The following TRAPPC9 variants were observed in gnomAD, a reference collection of about 807,000 sequenced individuals.
TRAPPC9 encodes IKK2 binding protein.
Under a neutral mutation model 124.0 loss-of-function variants are expected in TRAPPC9, and 83 were observed. The observed-to-expected ratio is 0.67, with a 90% CI of 0.56 to 0.80. The LOEUF (loss-of-function observed/expected upper bound fraction) is 0.80, where lower values mean the gene tolerates loss of function less well. Ranked by LOEUF, TRAPPC9 falls within the 30% of genes least tolerant of loss-of-function variation. The pLI is 0.00. For missense variants in TRAPPC9, 1,302 were observed against 1,508.3 expected, an observed-to-expected ratio of 0.86 and a Z score of 2.27; for synonymous variants, 638 against 617.5, an observed-to-expected ratio of 1.03 and a Z score of -0.49.
intron 19 of TRAPPC9, among the ~76,000 whole-genome samples, chr8:139,955,987 G>C (rs889517850): frequency 6.6e-6 from 1 of 152,058 alleles, no homozygotes; most frequent in Non-Finnish European, 1.5e-5. Context: ...CTGGGTCCTC[G>C]TTTCTCCCGC....
chr8:140,254,961 C>A (rs1464238896), intron 15 of TRAPPC9, among the ~76,000 whole-genome samples: 1 of 152,160 alleles, frequency 6.6e-6, no homozygotes, highest in Admixed American at 6.5e-5. Context: ...CCAAAATCCC[C>A]ATGAAAGAAA....
At chr8:140,239,117 G>A (rs1458791387) in intron 16 of TRAPPC9, among the ~76,000 whole-genome samples, 4 of 152,160 alleles carry the variant, frequency 2.6e-5, no homozygotes, top group Admixed American at 6.5e-5. Flanking sequence ...TCTGTTTCAC[G>A]GAGTCAAAGC....
chr8:140,077,147 G>C (rs957527391), intron 17 of TRAPPC9, among the ~76,000 whole-genome samples: 10 of 152,080 alleles, frequency 6.6e-5, no homozygotes, highest in Non-Finnish European at 1.3e-4. Context: ...GCCCGAGTGA[G>C]AGAGCCAGAT....
intron 17 of TRAPPC9, among the ~76,000 whole-genome samples, chr8:140,201,077 C>G (rs1346100250): frequency 6.6e-6 from 1 of 152,204 alleles, no homozygotes; most frequent in African/African-American, 2.4e-5. Context: ...ATGCAGGGCT[C>G]ACAGACCCAG....
rs571174837 is a variant in TRAPPC9 at position 140,142,619 on chromosome 8, G to A, written c.2556+78840C>T. On this transcript the variant is annotated intron_variant, in intron 17 of 22. Coordinates refer to ENST00000438773, the MANE Select transcript of TRAPPC9 (RefSeq NM_001160372.4). Reference sequence around the variant, plus strand: ...CAGGTTGACAGCCCACTTCTTCCATGCAGTCTTCTCCTATTTCCCCCACTT... The same window carrying A: ...CAGGTTGACAGCCCACTTCTTCCATACAGTCTTCTCCTATTTCCCCCACTT... 1.1e-4 allele frequency among the ~76,000 whole-genome samples: 16 copies of A among 152,346 alleles called. No homozygotes were observed. In the East Asian group the frequency reaches 3.1e-3, roughly 29 times the overall value.
chr8:139,782,647 G>A (rs759404350), intron 21 of TRAPPC9, among the ~76,000 whole-genome samples: 11 of 152,168 alleles, frequency 7.2e-5, no homozygotes, highest in African/African-American at 1.4e-4. Flanking sequence ...TTCAATGATC[G>A]ATACCAGCAA....
At chr8:140,434,693 G>A (rs952152592) in intron 4 of TRAPPC9, among the ~76,000 whole-genome samples, 1 of 152,178 alleles carries the variant, frequency 6.6e-6, no homozygotes, top group Non-Finnish European at 1.5e-5. Context: ...TTTCTGGGCA[G>A]GGCATGGTGG....
chr8:140,223,962 T>C (rs1460143573), intron 16 of TRAPPC9, among the ~76,000 whole-genome samples: 1 of 152,118 alleles, frequency 6.6e-6, no homozygotes, highest in Non-Finnish European at 1.5e-5. Flanking sequence ...AAATAGCACA[T>C]GAAGGAATCA....
intron 17 of TRAPPC9, among the ~76,000 whole-genome samples, chr8:140,161,408 T>G (rs2061748993): frequency 1.5e-5 from 1 of 66,238 alleles, no homozygotes; most frequent in African/African-American, 6.2e-5. Flanking sequence ...ACCAGAAACA[T>G]CTCCAATTTT....
chr8:140,162,373 G>A (rs1396786258), intron 17 of TRAPPC9, among the ~76,000 whole-genome samples: 1 of 152,130 alleles, frequency 6.6e-6, no homozygotes. Flanking sequence ...TTGCGTGGAA[G>A]GCTTTTCTAC....
chr8:140,180,157 CTTATTTTATAA>C (rs1000156314), intron 17 of TRAPPC9, among the ~76,000 whole-genome samples: 10 of 151,338 alleles, frequency 6.6e-5, no homozygotes, highest in Non-Finnish European at 1.3e-4. Flanking sequence ...CTTTTCCTCC[CTTATTTTATAA>C]TTGAATTTTT....
At chr8:140,033,687 T>G (rs1055492865) in intron 17 of TRAPPC9, among the ~76,000 whole-genome samples, 10 of 119,456 alleles carry the variant, frequency 8.4e-5, no homozygotes, top group South Asian at 2.9e-4. Context: ...TTTTTTTTTT[T>G]TTTTTTTTTT....
At chr8:139,841,167 C>T (rs981771558) in intron 21 of TRAPPC9, among the ~76,000 whole-genome samples, 16 of 152,164 alleles carry the variant, frequency 1.1e-4, no homozygotes, top group African/African-American at 3.9e-4. Flanking sequence ...GCCCCCGGCT[C>T]CTTCTTGTGG....
At chr8:140,360,740 CT>C (rs1202648481) in intron 8 of TRAPPC9, among the ~76,000 whole-genome samples, 1 of 152,156 alleles carries the variant, frequency 6.6e-6, no homozygotes. Flanking sequence ...TGAAAAGTAT[CT>C]CTTTTTTTAA....
intron 17 of TRAPPC9, among the ~76,000 whole-genome samples, chr8:140,117,089 G>GT (rs1226448150): frequency 6.6e-6 from 1 of 152,198 alleles, no homozygotes; most frequent in Non-Finnish European, 1.5e-5. Context: ...CCTTGAGCCA[G>GT]TGGGGTACTG....
chr8:140,266,942 C>T (rs983692293), intron 15 of TRAPPC9, among the ~76,000 whole-genome samples: 3 of 152,140 alleles, frequency 2.0e-5, no homozygotes, highest in Non-Finnish European at 2.9e-5. Flanking sequence ...AAAGCCCCAA[C>T]GACAGTCTAG....
chr8:140,304,131 G>A (rs202060334), intron 10 of TRAPPC9, among the ~76,000 whole-genome samples: 1 of 144,466 alleles, frequency 6.9e-6, no homozygotes, highest in African/African-American at 2.6e-5. Flanking sequence ...TCTCGCTCTT[G>A]TCGCCCAGGC....
intron 17 of TRAPPC9, among the ~76,000 whole-genome samples, chr8:140,220,340 T>C (rs1005730541): frequency 6.6e-6 from 1 of 152,178 alleles, no homozygotes; most frequent in African/African-American, 2.4e-5. Context: ...GCCGTGCAGT[T>C]GCACTCTGGG....
chr8:140,115,731 C>T (rs933983856), intron 17 of TRAPPC9, among the ~76,000 whole-genome samples: 10 of 152,174 alleles, frequency 6.6e-5, no homozygotes, highest in Admixed American at 5.2e-4. Context: ...AGCAGCCTGG[C>T]GAAGGGGAGA....
Sources: allele counts gnomAD v4.1 joint callset (sites outside exome capture counted in the v4.1 genomes callset), GRCh38; gene constraint gnomAD v4.1.1; transcripts MANE v1.5; gene names NCBI Gene and HGNC (gene_info 2026-07-23, HGNC 2026-07-21).